Variants in TMEM132D observed in about 807,000 individuals in gnomAD.
TMEM132D encodes the protein transmembrane protein 132D.
Under a neutral mutation model 62.3 loss-of-function variants are expected in TMEM132D, and 21 were observed. The observed-to-expected ratio is 0.34, with a 90% CI of 0.24 to 0.49. The LOEUF is 0.49. Ranked by LOEUF, TMEM132D falls within the 20% of genes least tolerant of loss-of-function variation. The pLI is 0.99. For synonymous variants in TMEM132D, 621 were observed against 575.6 expected (o/e 1.08, Z -1.13); for missense variants, 1,346 against 1,402.8 (o/e 0.96, Z 0.65).
chr12:129,804,590 A>C (rs1238719153), intron 1 of TMEM132D, among the ~76,000 whole-genome samples: 9 of 143,010 alleles, frequency 6.3e-5, no homozygotes, highest in Non-Finnish European at 1.1e-4. Context: ...TATCATACTG[A>C]ATGGGCAAAA....
intron 4 of TMEM132D, among the ~76,000 whole-genome samples, chr12:129,220,130 C>G (rs909043080): frequency 6.6e-6 from 1 of 152,086 alleles, no homozygotes; most frequent in African/African-American, 2.4e-5. Flanking sequence ...CTCTTTCAAG[C>G]GGAAAAGGAT....
At chr12:129,894,286 G>A (rs1875029773) in intron 1 of TMEM132D, among the ~76,000 whole-genome samples, 1 of 152,200 alleles carries the variant, frequency 6.6e-6, no homozygotes, top group African/African-American at 2.4e-5. Flanking sequence ...TTCACTCCAT[G>A]AGAGTGTATG....
At chr12:129,452,206 G>A (rs1209493041) in intron 3 of TMEM132D, among the ~76,000 whole-genome samples, 3 of 152,174 alleles carry the variant, frequency 2.0e-5, no homozygotes, top group Non-Finnish European at 4.4e-5. Context: ...CCTGAGAAAA[G>A]GGCAGTGCGT....
chr12:129,362,886 T>C (rs1870291295), intron 3 of TMEM132D, among the ~76,000 whole-genome samples: 2 of 152,232 alleles, frequency 1.3e-5, no homozygotes, highest in South Asian at 4.1e-4. Context: ...GGGTCTATCT[T>C]TGAAGTACCA....
At chr12:129,580,045 C>T (rs180944495) in intron 2 of TMEM132D, among the ~76,000 whole-genome samples, 1 of 152,156 alleles carries the variant, frequency 6.6e-6, no homozygotes, top group African/African-American at 2.4e-5. Flanking sequence ...AGGTAAGTGG[C>T]TACTTGGCCC....
chr12:129,600,532 T>C (rs1405284984), intron 2 of TMEM132D, among the ~76,000 whole-genome samples: 2 of 152,180 alleles, frequency 1.3e-5, no homozygotes, highest in Non-Finnish European at 2.9e-5. Context: ...TTTGCCCAAA[T>C]CCATCAGAGG....
chr12:129,429,171 TTCCTCACTGTAGTCCAAAGTCCTTC>T (rs1378082723), intron 3 of TMEM132D, among the ~76,000 whole-genome samples: 17 of 149,770 alleles, frequency 1.1e-4, no homozygotes, highest in Non-Finnish European at 2.2e-4. Context: ...GTCCTTCAAG[TTCCTCACTGTAGTCCAAAGTCCTTC>T]AAGTTGGCCT....
intron 3 of TMEM132D, among the ~76,000 whole-genome samples, chr12:129,524,913 TTTTTTTC>T (rs1355939742): frequency 4.0e-5 from 4 of 99,606 alleles, no homozygotes; most frequent in African/African-American, 1.1e-4. Flanking sequence ...TATTTTCATA[TTTTTTTC>T]TTTTTTCTTT....
chr12:129,517,416 T>C (rs905305545), intron 3 of TMEM132D, among the ~76,000 whole-genome samples: 1 of 152,154 alleles, frequency 6.6e-6, no homozygotes, highest in Non-Finnish European at 1.5e-5. Context: ...AAGGTAGATA[T>C]AATACTTCAA....
intron 1 of TMEM132D, among the ~76,000 whole-genome samples, chr12:129,731,326 A>T (rs1397261836): frequency 6.6e-6 from 1 of 152,198 alleles, no homozygotes; most frequent in Non-Finnish European, 1.5e-5. Context: ...GACTTAAAAA[A>T]AAATGCATAG....
chr12:129,247,580 C>A (rs1566010956), intron 4 of TMEM132D, among the ~76,000 whole-genome samples: 2 of 152,162 alleles, frequency 1.3e-5, no homozygotes, highest in Admixed American at 6.5e-5. Context: ...AGACAGGAGA[C>A]AAGACGTTGC....
At chr12:129,730,670 C>T (rs1375460651) in intron 1 of TMEM132D, among the ~76,000 whole-genome samples, 1 of 151,578 alleles carries the variant, frequency 6.6e-6, no homozygotes, top group African/African-American at 2.4e-5. Context: ...AGTCAGTGGA[C>T]TGGGAAAAGC....
chr12:129,709,416 C>G (rs1881586504), intron 1 of TMEM132D, among the ~76,000 whole-genome samples: 1 of 152,182 alleles, frequency 6.6e-6, no homozygotes, highest in African/African-American at 2.4e-5. Context: ...ACAAGGAAAT[C>G]TATTTCTTGG....
At chr12:129,769,725 G>A (rs1439573963) in intron 1 of TMEM132D, among the ~76,000 whole-genome samples, 6 of 152,194 alleles carry the variant, frequency 3.9e-5, no homozygotes, top group Middle Eastern at 3.2e-3. Context: ...CTGGCAACAG[G>A]CATTTGAAAG....
chr12:129,093,608 C>T (rs1421855547), intron 5 of TMEM132D, among the ~76,000 whole-genome samples: 2 of 152,142 alleles, frequency 1.3e-5, no homozygotes, highest in African/African-American at 4.8e-5. Flanking sequence ...GGCCATACTG[C>T]CCAAGGTCAT....
At chr12:129,336,132 G>T (rs891222907) in intron 4 of TMEM132D, among the ~76,000 whole-genome samples, 1 of 152,222 alleles carries the variant, frequency 6.6e-6, no homozygotes, top group African/African-American at 2.4e-5. Context: ...GAAGAAATCT[G>T]TACTTAACTC....
intron 2 of TMEM132D, among the ~76,000 whole-genome samples, chr12:129,591,922 A>G (rs186944993): frequency 6.6e-6 from 1 of 152,330 alleles, no homozygotes; most frequent in Admixed American, 6.5e-5. Context: ...AGATGGGTCC[A>G]ATTGACAGTA....
rs546324271 is a variant in TMEM132D, at chr12:129,074,355, G to A, written c.2820C>T (p.Thr940=). 8 of 1,613,998 alleles carry A rather than the reference G, an allele frequency of 5.0e-6. No individual in the cohort carries two copies. The African/African-American group carries it at 9.3e-5, about 19-fold the overall frequency. The change falls in exon 9 of 9, where the codon ACC becomes ACT. Residue 940 remains threonine (T), a synonymous_variant. Coordinates refer to ENST00000422113, the MANE Select transcript of TMEM132D (RefSeq NM_133448.3). ...AILVFLINCV[T]FALKYRHKQV... Reference sequence around the variant, plus strand: ...GTTTGTGTCTGTATTTTAATGCAAAGGTCACACAGTTTATCAAGAAGACCA... The same window carrying A: ...GTTTGTGTCTGTATTTTAATGCAAAAGTCACACAGTTTATCAAGAAGACCA...
At chr12:129,596,398 A>G (rs1435975628) in intron 2 of TMEM132D, among the ~76,000 whole-genome samples, 2 of 152,072 alleles carry the variant, frequency 1.3e-5, no homozygotes, top group African/African-American at 4.8e-5. Context: ...ATGAATATAC[A>G]TGTATACTCG....
Sources: gnomAD v4.1 joint callset for allele counts (sites outside exome capture counted in the v4.1 genomes callset) on GRCh38, gnomAD v4.1.1 for gene constraint, MANE v1.5 for transcripts, NCBI Gene and HGNC (gene_info 2026-07-23, HGNC 2026-07-21) for gene names.